Variants in NRCAM observed in about 807,000 individuals in gnomAD.
NRCAM encodes neuronal cell adhesion molecule.
NRCAM carries 83 observed loss-of-function variants against 156.5 expected under a neutral mutation model. The observed-to-expected ratio is 0.53, with a 90% CI of 0.44 to 0.64. NRCAM has a LOEUF of 0.64. Among genes scored for constraint, NRCAM ranks in the 30% least tolerant of loss-of-function variants. The pLI is 0.00. For synonymous variants in NRCAM, 538 were observed against 563.9 expected (o/e 0.95, Z 0.65); for missense variants, 1,417 against 1,597.3 (o/e 0.89, Z 1.92).
chr7:108,285,026 G>C (rs774257726), intron 3 of NRCAM, among the ~76,000 whole-genome samples: 2 of 152,244 alleles, frequency 1.3e-5, no homozygotes, highest in African/African-American at 4.8e-5. Flanking sequence ...TGAGAGAGGA[G>C]AGGAATTAGA....
At chr7:108,363,985 T>C (rs1396248795) in intron 2 of NRCAM, among the ~76,000 whole-genome samples, 1 of 152,026 alleles carries the variant, frequency 6.6e-6, no homozygotes, top group Non-Finnish European at 1.5e-5. Context: ...ACAAGATTAG[T>C]AAAAATCTAA....
intron 1 of NRCAM, among the ~76,000 whole-genome samples, chr7:108,436,494 T>C (rs1237106520): frequency 6.6e-6 from 1 of 152,188 alleles, no homozygotes; most frequent in Non-Finnish European, 1.5e-5. Context: ...CAGGAATTGG[T>C]TGTAGGTTAA....
At chr7:108,193,712 G>A (rs772481343) in intron 17 of NRCAM, among the ~76,000 whole-genome samples, 1 of 152,220 alleles carries the variant, frequency 6.6e-6, no homozygotes, top group Non-Finnish European at 1.5e-5. Flanking sequence ...GAAAACATCT[G>A]TTGAGACTTC....
chr7:108,149,732 A>G lies in NRCAM; in HGVS notation c.*178T>C. 1.6e-6 allele frequency: 1 copy of G among 609,214 alleles called. No individual in the cohort carries two copies. The highest frequency in any genetic ancestry group is 2.9e-6 in the Non-Finnish European group (1 of 347,904). The allele number at this position is 609,214 out of a possible 1,614,324, so 37.7% of individuals were successfully genotyped here. On this transcript the variant is annotated 3_prime_UTR_variant, in exon 33 of 33. Coordinates refer to ENST00000379028, the MANE Select transcript of NRCAM (RefSeq NM_001037132.4). Reference sequence around the variant, plus strand: ...TGAAAAAGTATGCACTTTGCATTCCAGTTCATATTAACATATCATTTGACT... The same window carrying G: ...TGAAAAAGTATGCACTTTGCATTCCGGTTCATATTAACATATCATTTGACT...
intron 2 of NRCAM, among the ~76,000 whole-genome samples, chr7:108,389,866 T>C (rs2099754007): frequency 6.6e-6 from 1 of 152,204 alleles, no homozygotes; most frequent in Non-Finnish European, 1.5e-5. Context: ...GTTTATTGAT[T>C]TGTGTATGTT....
At chr7:108,257,004 C>G (rs1197088533) in intron 3 of NRCAM, among the ~76,000 whole-genome samples, 1 of 79,826 alleles carries the variant, frequency 1.3e-5, no homozygotes, top group Non-Finnish European at 2.3e-5. Flanking sequence ...GGAAGACTGT[C>G]GAAAAAAAAA....
At chr7:108,299,378 T>TA (rs1335933861) in intron 3 of NRCAM, among the ~76,000 whole-genome samples, 1 of 152,048 alleles carries the variant, frequency 6.6e-6, no homozygotes, top group East Asian at 1.9e-4. Context: ...GAGCTTTCAT[T>TA]ACCACGATTT....
intron 1 of NRCAM, among the ~76,000 whole-genome samples, chr7:108,400,891 CA>C (rs2099790628): frequency 6.6e-6 from 1 of 152,042 alleles, no homozygotes; most frequent in Non-Finnish European, 1.5e-5. Context: ...AGACATGAGC[CA>C]CACTGATGAC....
At position 108,178,001 on chromosome 7, in the gene NRCAM, T is replaced by C. The variant is rs1297732821; in HGVS notation, c.2963A>G (p.Lys988Arg). The change falls in exon 26 of 33, where the codon AAG becomes AGG. Residue 988 changes from lysine to arginine, a missense_variant. Coordinates refer to ENST00000379028, the MANE Select transcript of NRCAM (RefSeq NM_001037132.4). Reference protein sequence around the residue: ...PNGILTEYTLKYQPINSTHEL... With the variant: ...PNGILTEYTLRYQPINSTHEL... Reference sequence around the variant, plus strand: ...TCCCAACAGCTTACTTGGCTGATACTTTAAGGTGTACTCTGTCAAAATGCC... The same window carrying C: ...TCCCAACAGCTTACTTGGCTGATACCTTAAGGTGTACTCTGTCAAAATGCC... 1.2e-6 allele frequency: 2 copies of C among 1,610,786 alleles called. No individual in the cohort carries two copies. The highest frequency in any genetic ancestry group is 8.5e-7 in the Non-Finnish European group (1 of 1,178,208).
chr7:108,405,149 A>G (rs2099803666), intron 1 of NRCAM, among the ~76,000 whole-genome samples: 1 of 152,232 alleles, frequency 6.6e-6, no homozygotes, highest in Non-Finnish European at 1.5e-5. Flanking sequence ...CTGGTTGAGT[A>G]AAGCAGAGAG....
chr7:108,295,421 C>T (rs937784020), intron 3 of NRCAM, among the ~76,000 whole-genome samples: 5 of 152,134 alleles, frequency 3.3e-5, no homozygotes, highest in African/African-American at 1.2e-4. Flanking sequence ...AATCAAAGGC[C>T]AAGGTGCTGG....
At chr7:108,249,094 T>G (rs924896095) in intron 3 of NRCAM, among the ~76,000 whole-genome samples, 4 of 152,192 alleles carry the variant, frequency 2.6e-5, no homozygotes, top group Non-Finnish European at 5.9e-5. Context: ...CCTGAGCATG[T>G]GTGTTGGGGA....
intron 20 of NRCAM, among the ~76,000 whole-genome samples, chr7:108,185,840 G>C (rs569774320): frequency 6.6e-6 from 1 of 151,518 alleles, no homozygotes; most frequent in African/African-American, 2.4e-5. Context: ...GTATAGAATC[G>C]TGTGTGCTGG....
intron 1 of NRCAM, among the ~76,000 whole-genome samples, chr7:108,406,471 A>C (rs964446592): frequency 6.6e-6 from 1 of 152,226 alleles, no homozygotes; most frequent in Admixed American, 6.5e-5. Context: ...ATAAAAATTT[A>C]ATCTACTTCA....
chr7:108,368,989 G>A (rs2099611873), intron 2 of NRCAM, among the ~76,000 whole-genome samples: 1 of 152,130 alleles, frequency 6.6e-6, no homozygotes, highest in Non-Finnish European at 1.5e-5. Context: ...GACTTGAGCT[G>A]ATTTTAAAAG....
chr7:108,189,015 T>C (rs2069231389), intron 20 of NRCAM, among the ~76,000 whole-genome samples: 1 of 149,314 alleles, frequency 6.7e-6, no homozygotes, highest in African/African-American at 2.4e-5. Context: ...AGCTTACCTA[T>C]AGTCTAATTT....
chr7:108,181,823 C>A lies in NRCAM; in HGVS notation c.2645G>T (p.Arg882Leu). The A allele has an allele frequency of 6.2e-7, 1 of 1,612,082 alleles. No individual in the cohort carries two copies. Among genetic ancestry groups the A allele is most frequent in the South Asian group, 1.1e-5 (1 of 90,904 alleles). Residue 882 changes from arginine (R) to leucine (L), a missense_variant and splice_region_variant, in exon 24 of 33, where the codon CGG becomes CTG. By Grantham distance (102) the Arg-to-Leu change is moderately radical (BLOSUM62 -2). Transcript: ENST00000379028. Reference sequence around the variant, plus strand: ...CACAAAAGGTCCCCTTTCACTTGCCCGATAGCCTTGTAGGTGTCCTCGGAT... The same window carrying A: ...CACAAAAGGTCCCCTTTCACTTGCCAGATAGCCTTGTAGGTGTCCTCGGAT... ...KSIRGHLQGY[R>L]IYYWKTQSSS...
intron 3 of NRCAM, among the ~76,000 whole-genome samples, chr7:108,272,540 G>C (rs921273524): frequency 6.6e-6 from 1 of 152,042 alleles, no homozygotes; most frequent in Non-Finnish European, 1.5e-5. Context: ...TAATATGTTT[G>C]ATCATAGGGT....
At chr7:108,290,371 T>A (rs1318603518) in intron 3 of NRCAM, among the ~76,000 whole-genome samples, 2 of 152,180 alleles carry the variant, frequency 1.3e-5, no homozygotes, top group Non-Finnish European at 2.9e-5. Flanking sequence ...CCAGACTTCC[T>A]TGTCCTGAGC....
Sources: allele counts gnomAD v4.1 joint callset (sites outside exome capture counted in the v4.1 genomes callset), GRCh38; gene constraint gnomAD v4.1.1; transcripts MANE v1.5; gene names NCBI Gene and HGNC (gene_info 2026-07-23, HGNC 2026-07-21).